MTMR14: variants seen among roughly 807,000 people sequenced by gnomAD.
MTMR14 encodes phosphatidylinositol-3,5-bisphosphate 3-phosphatase MTMR14.
A neutral mutation model predicts 86.3 loss-of-function variants in MTMR14; 48 were observed. That is an observed-to-expected ratio of 0.56 (90% confidence interval 0.44 to 0.71). MTMR14 has a LOEUF of 0.71. Ranked by LOEUF, MTMR14 falls within the 30% of genes least tolerant of loss-of-function variation. The pLI is 0.00. For synonymous variants in MTMR14, 366 were observed against 326.1 expected, an observed-to-expected ratio of 1.12 and a Z score of -1.32; for missense variants, 780 against 834.6, an observed-to-expected ratio of 0.93 and a Z score of 0.81.
intron 2 of MTMR14, chr3:9,659,899 G>A: frequency 2.2e-6 from 1 of 450,734 alleles, no homozygotes; most frequent in Non-Finnish European, 4.5e-6. Context: ...TTTAACAGAA[G>A]TTTAGCCTGA....
chr3:9,668,249 A>G (rs1403471612), intron 3 of MTMR14, among the ~76,000 whole-genome samples: 1 of 152,200 alleles, frequency 6.6e-6, no homozygotes, highest in African/African-American at 2.4e-5. Context: ...AAGCACATAG[A>G]GGTCAGTGGG....
chr3:9,682,517 C>G (rs930431960), intron 9 of MTMR14, among the ~76,000 whole-genome samples: 12 of 152,212 alleles, frequency 7.9e-5, no homozygotes, highest in Non-Finnish European at 1.3e-4. Flanking sequence ...AGGGTCTGGA[C>G]TAGACCTTGC....
At chr3:9,654,499 A>G (rs1028498132) in intron 2 of MTMR14, among the ~76,000 whole-genome samples, 2 of 152,216 alleles carry the variant, frequency 1.3e-5, no homozygotes, top group Non-Finnish European at 2.9e-5. Flanking sequence ...GCCTGTAGGT[A>G]GTCAGTAAAT....
At chr3:9,671,273 A>T (rs776707426) in intron 6 of MTMR14, 103 bp downstream of exon 6, 14 of 1,518,368 alleles carry the variant, frequency 9.2e-6, no homozygotes, top group Non-Finnish European at 1.3e-5. Context: ...CTTCTTACAA[A>T]GGGCTTTCTG....
intron 3 of MTMR14, among the ~76,000 whole-genome samples, chr3:9,667,087 G>A (rs997169000): frequency 2.0e-4 from 30 of 152,178 alleles, no homozygotes; most frequent in African/African-American, 7.2e-4. Context: ...GAATAATTGG[G>A]AACAGAAAAA....
At chr3:9,670,473 T>C (rs1318324962) in intron 5 of MTMR14, among the ~76,000 whole-genome samples, 2 of 152,254 alleles carry the variant, frequency 1.3e-5, no homozygotes, top group Non-Finnish European at 2.9e-5. Context: ...GCAGGGCTGA[T>C]CAAAAGGCAG....
chr3:9,674,356 A>G (rs905142368), intron 7 of MTMR14, among the ~76,000 whole-genome samples: 1 of 152,346 alleles, frequency 6.6e-6, no homozygotes, highest in African/African-American at 2.4e-5. Flanking sequence ...TTAGGCTGTA[A>G]TTCAGCCACT....
intron 2 of MTMR14, among the ~76,000 whole-genome samples, chr3:9,656,738 AATCTTT>A (rs1487337961): frequency 2.6e-5 from 4 of 151,656 alleles, no homozygotes; most frequent in African/African-American, 9.7e-5. Context: ...AGTTTCCGTA[AATCTTT>A]AAGCTAAAGT....
chr3:9,689,123 G>A, intron 16 of MTMR14, 41 bp downstream of exon 16: 1 of 1,602,362 alleles, frequency 6.2e-7, no homozygotes, highest in Non-Finnish European at 8.5e-7. Context: ...CACAGCTGTG[G>A]CCCGGGGCCA....
At chr3:9,687,575 G>C (rs1390460135) in intron 13 of MTMR14, among the ~76,000 whole-genome samples, 2 of 150,494 alleles carry the variant, frequency 1.3e-5, no homozygotes, top group Non-Finnish European at 3.0e-5. Context: ...AAAAAAAATA[G>C]CTGGCTTAAC....
intron 10 of MTMR14, 197 bp downstream of exon 10, chr3:9,683,441 C>T (rs546845688): frequency 1.7e-6 from 1 of 602,154 alleles, no homozygotes; most frequent in Non-Finnish European, 3.0e-6. Context: ...CCTCAAAATC[C>T]TAGAAAACAA....
At chr3:9,672,915 C>T (rs570030925) in intron 7 of MTMR14, among the ~76,000 whole-genome samples, 157 bp downstream of exon 7, 1 of 152,284 alleles carries the variant, frequency 6.6e-6, no homozygotes, top group East Asian at 1.9e-4. Context: ...TCACAGGCCA[C>T]ACTAAGCATA....
At chr3:9,682,984 G>A (rs886737563) in intron 9 of MTMR14, among the ~76,000 whole-genome samples, 194 bp from the exon 10 acceptor site, 4 of 151,914 alleles carry the variant, frequency 2.6e-5, no homozygotes, top group African/African-American at 4.8e-5. Context: ...GCTGAGTGGT[G>A]GAGGGAGAGG....
At chr3:9,657,989 G>A (rs564068410) in intron 2 of MTMR14, among the ~76,000 whole-genome samples, 9 of 152,238 alleles carry the variant, frequency 5.9e-5, no homozygotes, top group East Asian at 5.8e-4. Context: ...TCACCACCAC[G>A]GCTCTCCCAC....
rs1333418485 is a variant in MTMR14 at position 9,677,661 on chromosome 3, CTG to C, written c.822+279_822+280del. 6.6e-6 allele frequency among the ~76,000 whole-genome samples: 1 copy of C among 152,146 alleles called. No individual in the cohort carries two copies. The highest frequency in any genetic ancestry group is 1.9e-4 in the East Asian group (1 of 5,194). The stretch of plus-strand genomic sequence containing the variant: ...GAAAAGCCCTTCCCTTCTGTACTCT[CTG>C]TGTGAAAGCTGGGGGCAGCATTCTT... On this transcript the variant is annotated intron_variant, in intron 8 of 18. Coordinates refer to ENST00000296003, the MANE Select transcript of MTMR14 (RefSeq NM_001077525.3). The surrounding 1 kb of genome is among the most constrained non-coding windows in gnomAD (Gnocchi z 4.2).
At chr3:9,650,554 A>G (rs1036490170) in intron 1 of MTMR14, 3 of 343,156 alleles carry the variant, frequency 8.7e-6, no homozygotes, top group Admixed American at 7.3e-5. Flanking sequence ...TGTAGTTGGC[A>G]TCTTGTAGTC....
intron 2 of MTMR14, among the ~76,000 whole-genome samples, chr3:9,658,601 C>G (rs1278389584): frequency 2.0e-5 from 3 of 152,234 alleles, no homozygotes; most frequent in African/African-American, 7.2e-5. Flanking sequence ...AGTGGCTACC[C>G]ACAGGGTTTA....
chr3:9,685,122 A>C, intron 12 of MTMR14, 89 bp from the exon 13 acceptor site: 1 of 1,567,156 alleles, frequency 6.4e-7, no homozygotes, highest in Middle Eastern at 1.7e-4. Flanking sequence ...CGCTGGTGCC[A>C]GTGACACAGT....
chr3:9,692,077 T>C (rs2076154516), intron 17 of MTMR14, among the ~76,000 whole-genome samples: 2 of 152,242 alleles, frequency 1.3e-5, no homozygotes, highest in Admixed American at 1.3e-4. Flanking sequence ...TTAAAGTGCC[T>C]AAGGGATCCT....
Sources: allele counts gnomAD v4.1 joint callset (sites outside exome capture counted in the v4.1 genomes callset), GRCh38; gene constraint gnomAD v4.1.1; non-coding constraint Gnocchi (gnomAD v3.1); transcripts MANE v1.5; gene names NCBI Gene and HGNC (gene_info 2026-07-23, HGNC 2026-07-21).